Variants in UVRAG observed in about 807,000 individuals in gnomAD.
UVRAG encodes UV radiation resistance associated, also known as UV radiation resistance-associated gene protein.
In UVRAG, 19 loss-of-function variants were observed where a neutral mutation model predicts 78.0. The ratio of observed to expected loss-of-function variants is 0.24; its 90% CI spans 0.17 to 0.36. UVRAG has a LOEUF of 0.36. Ranked by LOEUF, UVRAG falls within the 10% of genes least tolerant of loss-of-function variation. UVRAG has a pLI of 1.00. For missense variants in UVRAG, 740 were observed against 853.8 expected (o/e 0.87, Z 1.66); for synonymous variants, 323 against 324.6 (o/e 1.00, Z 0.05).
chr11:76,070,820 A>C (rs765115572), intron 13 of UVRAG, among the ~76,000 whole-genome samples: 1 of 152,190 alleles, frequency 6.6e-6, no homozygotes, highest in African/African-American at 2.4e-5. Flanking sequence ...TCAGAAAGCC[A>C]CATTAGAGGG....
chr11:76,053,098 G>T (rs1950900149), intron 12 of UVRAG, among the ~76,000 whole-genome samples: 1 of 151,690 alleles, frequency 6.6e-6, no homozygotes, highest in Non-Finnish European at 1.5e-5. Flanking sequence ...CGAAGGTCAG[G>T]AGTTCAAGAC....
chr11:75,834,386 T>C (rs1945733152), intron 1 of UVRAG, among the ~76,000 whole-genome samples: 4 of 152,170 alleles, frequency 2.6e-5, no homozygotes. Context: ...CACTTCTGGA[T>C]GTTCATTTGT....
intron 11 of UVRAG, among the ~76,000 whole-genome samples, chr11:76,011,034 G>A (rs1357683746): frequency 1.3e-5 from 2 of 152,154 alleles, no homozygotes; most frequent in Non-Finnish European, 2.9e-5. Flanking sequence ...AGGAGTGGTG[G>A]TCTGATTACT....
At chr11:75,826,309 C>T (rs973047947) in intron 1 of UVRAG, among the ~76,000 whole-genome samples, 2 of 151,934 alleles carry the variant, frequency 1.3e-5, no homozygotes, top group Non-Finnish European at 2.9e-5. Context: ...GTGCCCACCA[C>T]CACACCCACC....
chr11:75,850,299 A>G (rs1946126643), intron 1 of UVRAG, among the ~76,000 whole-genome samples: 1 of 152,200 alleles, frequency 6.6e-6, no homozygotes. Flanking sequence ...CAATTGGAAA[A>G]TCAGGAAGGG....
intron 13 of UVRAG, among the ~76,000 whole-genome samples, chr11:76,107,057 C>G (rs1177096571): frequency 6.6e-6 from 1 of 152,148 alleles, no homozygotes; most frequent in Non-Finnish European, 1.5e-5. Flanking sequence ...TAGCAACTCA[C>G]AAGGATTGGA....
At chr11:75,817,904 A>G (rs564266360) in intron 1 of UVRAG, among the ~76,000 whole-genome samples, 4 of 151,790 alleles carry the variant, frequency 2.6e-5, no homozygotes, top group Non-Finnish European at 4.4e-5. Context: ...AAAAGAAAAA[A>G]AAAAAAAAAG....
intron 2 of UVRAG, among the ~76,000 whole-genome samples, chr11:75,858,098 C>T (rs1946334426): frequency 2.0e-5 from 3 of 151,928 alleles, no homozygotes; most frequent in Non-Finnish European, 2.9e-5. Context: ...TTGACACATA[C>T]TAGGCCTTCA....
Position 75,878,035 on chromosome 11 carries a change from C to T in UVRAG, c.271-1844C>T, listed in dbSNP as rs567598055. ...CTCACTTCCCAGACGGGGTGGCTGCCGGGCGGAGGGGCTCCTCACTTCTCC... is the reference window on the plus strand; with the variant it reads ...CTCACTTCCCAGACGGGGTGGCTGCTGGGCGGAGGGGCTCCTCACTTCTCC... On this transcript the variant is annotated intron_variant, in intron 3 of 14. Transcript: ENST00000356136. 5.0e-4 allele frequency among the ~76,000 whole-genome samples: 75 copies of T among 149,942 alleles called. 1 individual carries two copies. In the Middle Eastern group the frequency reaches 0.011, roughly 21 times the overall value.
At chr11:76,065,013 A>C (rs1951161281) in intron 12 of UVRAG, among the ~76,000 whole-genome samples, 3 of 152,182 alleles carry the variant, frequency 2.0e-5, no homozygotes, top group Non-Finnish European at 1.5e-5. Flanking sequence ...CTTCATTTGC[A>C]GGTGTAAAGA....
chr11:75,819,576 C>T (rs1359381026), intron 1 of UVRAG, among the ~76,000 whole-genome samples: 3 of 152,068 alleles, frequency 2.0e-5, no homozygotes, highest in Admixed American at 6.5e-5. Context: ...GAACTCCTGG[C>T]CTCAGGTGAT....
chr11:75,986,831 A>T (rs1242749810), intron 8 of UVRAG, among the ~76,000 whole-genome samples: 1 of 150,034 alleles, frequency 6.7e-6, no homozygotes, highest in East Asian at 2.0e-4. Context: ...TTTTCTGGAC[A>T]TTCTTTTATA....
chr11:76,131,245 C>T (rs1222385431), intron 14 of UVRAG, among the ~76,000 whole-genome samples: 1 of 152,186 alleles, frequency 6.6e-6, no homozygotes, highest in East Asian at 1.9e-4. Flanking sequence ...GACTTGACCC[C>T]TCCCAGGACC....
chr11:76,061,761 G>A (rs1951099792), intron 12 of UVRAG, among the ~76,000 whole-genome samples: 2 of 152,166 alleles, frequency 1.3e-5, no homozygotes, highest in South Asian at 4.1e-4. Context: ...AACACTCACC[G>A]CGAGGGTCCG....
chr11:76,010,852 C>G (rs1201661470), intron 11 of UVRAG, among the ~76,000 whole-genome samples: 1 of 152,068 alleles, frequency 6.6e-6, no homozygotes, highest in Non-Finnish European at 1.5e-5. Context: ...GAGAGGGCAG[C>G]CAGGGCCTTG....
chr11:75,887,448 GTT>G (rs1253746430), intron 4 of UVRAG, among the ~76,000 whole-genome samples: 5 of 114,124 alleles, frequency 4.4e-5, no homozygotes, highest in Non-Finnish European at 3.7e-5. Flanking sequence ...CCTGGCGCAG[GTT>G]TTTTTTTTTT....
intron 13 of UVRAG, among the ~76,000 whole-genome samples, chr11:76,113,707 G>A (rs775341766): frequency 1.8e-4 from 27 of 152,076 alleles, no homozygotes; most frequent in Admixed American, 7.2e-4. Flanking sequence ...TCTAGCCTTG[G>A]CTTTGTCCCT....
chr11:75,843,103 G>T (rs2135844758), intron 1 of UVRAG, among the ~76,000 whole-genome samples: 1 of 152,236 alleles, frequency 6.6e-6, no homozygotes, highest in South Asian at 2.1e-4. Context: ...GTTCTCTTTG[G>T]TCATTAATAT....
chr11:76,093,234 A>G (rs528636121), intron 13 of UVRAG, among the ~76,000 whole-genome samples: 2 of 152,072 alleles, frequency 1.3e-5, no homozygotes, highest in East Asian at 3.9e-4. Flanking sequence ...TTTTGGTACC[A>G]GTACCATGCT....
Sources: gnomAD v4.1 joint callset for allele counts (sites outside exome capture counted in the v4.1 genomes callset) on GRCh38, gnomAD v4.1.1 for gene constraint, MANE v1.5 for transcripts, NCBI Gene and HGNC (gene_info 2026-07-23, HGNC 2026-07-21) for gene names.